Variants in CDH10 observed in about 807,000 individuals in gnomAD.
CDH10 encodes cadherin-10.
CDH10 carries 30 observed loss-of-function variants against 73.1 expected under a neutral mutation model. The observed-to-expected ratio is 0.41, with a 90% CI of 0.31 to 0.56. The LOEUF (loss-of-function observed/expected upper bound fraction) is 0.56, where lower values mean the gene tolerates loss of function less well. Ranked by LOEUF, CDH10 falls within the 20% of genes least tolerant of loss-of-function variation. The pLI is 0.27. For synonymous variants in CDH10, 345 were observed against 348.2 expected (o/e 0.99, Z 0.10); for missense variants, 815 against 973.7 (o/e 0.84, Z 2.17).
chr5:24,529,951 A>C (rs1743670949), intron 5 of CDH10, among the ~76,000 whole-genome samples: 1 of 150,780 alleles, frequency 6.6e-6, no homozygotes, highest in South Asian at 2.1e-4. Flanking sequence ...GCTTTCCTTG[A>C]CTTTTGTCCC....
At chr5:24,590,978 T>C (rs74750929) in intron 2 of CDH10, among the ~76,000 whole-genome samples, 4,424 of 152,092 alleles carry the variant, frequency 0.029, 218 homozygotes, top group African/African-American at 0.1. Context: ...TGAAAGAAAA[T>C]ATGACTGTGA....
At chr5:24,589,751 A>G (rs1035800266) in intron 2 of CDH10, among the ~76,000 whole-genome samples, 3 of 152,208 alleles carry the variant, frequency 2.0e-5, no homozygotes, top group African/African-American at 7.2e-5. Flanking sequence ...TATCTGCTCA[A>G]CGCAACTGGA....
chr5:24,559,235 A>G (rs1271974412), intron 2 of CDH10, among the ~76,000 whole-genome samples: 1 of 151,978 alleles, frequency 6.6e-6, no homozygotes, highest in Non-Finnish European at 1.5e-5. Context: ...CCTTGTGCAA[A>G]TCATTTCCAT....
At chr5:24,514,631 T>G (rs530542751) in intron 5 of CDH10, among the ~76,000 whole-genome samples, 2 of 152,258 alleles carry the variant, frequency 1.3e-5, no homozygotes, top group South Asian at 4.1e-4. Context: ...AATACAAAAA[T>G]GATATCACTG....
chr5:24,541,160 C>T (rs1208410708), intron 2 of CDH10, among the ~76,000 whole-genome samples: 1 of 151,956 alleles, frequency 6.6e-6, no homozygotes, highest in Non-Finnish European at 1.5e-5. Flanking sequence ...GATACAGGAA[C>T]TAAGTAATAA....
rs1464674739 is a variant in CDH10 at position 24,509,764 on chromosome 5, G to C, written c.1058C>G (p.Thr353Ser). The part of the protein sequence containing the change: ...LYTLKVEAEN[T>S]HVDPRFYYLG... ...GTAATAAAAACGGGGATCTACATGG[G>C]TGTTTTCTGCTTCGACTTTCAGAGT... is the stretch of plus-strand genomic sequence containing the variant. The change falls in exon 7 of 12, where the codon ACC becomes AGC. Residue 353 changes from threonine (T) to serine (S), a missense_variant. Around this residue, in one of 3 missense-constraint regions of CDH10, gnomAD observed 516 missense variants for 636.6 expected, o/e 0.81. Coordinates refer to ENST00000264463, the MANE Select transcript of CDH10 (RefSeq NM_006727.5). 2 of 1,611,390 alleles carry C rather than the reference G, an allele frequency of 1.2e-6. No individual in the cohort carries two copies. Among genetic ancestry groups the C allele is most frequent in the Non-Finnish European group, 1.7e-6 (2 of 1,177,730 alleles).
Position 24,488,151 on chromosome 5 carries a change from T to C in CDH10, c.1879A>G (p.Ile627Val). Residue 627 changes from isoleucine to valine, a missense_variant and splice_region_variant, in exon 12 of 12, where the codon ATA (isoleucine) becomes GTA (valine). Transcript: ENST00000264463. ...ILLCIIILLV[I>V]VVLFAALKRQ... ...TTCAGAGCTGCAAACAGTACTACTA[T>C]AACTTGAAAAAAGACAAGAAGATAC... 1.9e-6 allele frequency: 3 copies of C among 1,593,724 alleles called. No homozygotes were observed. Among genetic ancestry groups the C allele is most frequent in the Non-Finnish European group, 2.6e-6 (3 of 1,172,902 alleles).
At chr5:24,623,107 T>C (rs1343725098) in intron 1 of CDH10, among the ~76,000 whole-genome samples, 3 of 152,164 alleles carry the variant, frequency 2.0e-5, no homozygotes, top group Admixed American at 2.0e-4. Context: ...TTCCTTTGTG[T>C]CATGCAGGAA....
intron 2 of CDH10, among the ~76,000 whole-genome samples, chr5:24,547,570 C>T (rs1744389477): frequency 6.6e-6 from 1 of 152,118 alleles, no homozygotes; most frequent in Non-Finnish European, 1.5e-5. Context: ...TGCCAGTCTT[C>T]CCCAAAAGAC....
rs1741881855 is a variant in CDH10 at position 24,487,480 on chromosome 5, T to C, written c.*183A>G. ...TTGGAAGTGATTAAATAAAATGTCA[T>C]ATATATTCCATGAGACATCCTACAG... is the stretch of plus-strand genomic sequence containing the variant. On this transcript the variant is annotated 3_prime_UTR_variant, in exon 12 of 12. Transcript: ENST00000264463. The C allele has an allele frequency of 1.7e-6, 1 of 585,164 alleles. No individual in the cohort carries two copies. Among genetic ancestry groups the C allele is most frequent in the Non-Finnish European group, 3.0e-6 (1 of 329,280 alleles). 36.2% of individuals were successfully genotyped at this position (585,164 alleles called of 1,614,324 possible). A position where few individuals can be genotyped will look rare whatever the true frequency, so the allele number is the denominator to read the frequency against.
intron 2 of CDH10, among the ~76,000 whole-genome samples, chr5:24,576,320 ATTTAT>A (rs748247649): frequency 3.3e-5 from 5 of 152,164 alleles, no homozygotes; most frequent in African/African-American, 1.2e-4. Flanking sequence ...ACCTTTTAGC[ATTTAT>A]TTTATTATTT....
chr5:24,624,397 T>C (rs533887455), intron 1 of CDH10, among the ~76,000 whole-genome samples: 3 of 152,220 alleles, frequency 2.0e-5, no homozygotes, highest in Non-Finnish European at 4.4e-5. Context: ...TTCTACAAAT[T>C]ATGGGTAAAC....
At chr5:24,514,325 T>C in intron 5 of CDH10, among the ~76,000 whole-genome samples, 1 of 152,162 alleles carries the variant, frequency 6.6e-6, no homozygotes, top group South Asian at 2.1e-4. Flanking sequence ...ATAATTTAGA[T>C]CCTCTGTCCT....
intron 2 of CDH10, among the ~76,000 whole-genome samples, chr5:24,543,562 A>G (rs1369904780): frequency 6.6e-6 from 1 of 152,154 alleles, no homozygotes; most frequent in Non-Finnish European, 1.5e-5. Flanking sequence ...GTTGAAAAAA[A>G]TGTAGAATGT....
At chr5:24,519,347 C>CAACAA (rs75828117) in intron 5 of CDH10, among the ~76,000 whole-genome samples, 72,287 of 151,328 alleles carry the variant, frequency 0.48, 17,325 homozygotes, top group East Asian at 0.58. Flanking sequence ...ATTTCTAAAA[C>CAACAA]AACAAAATTT....
chr5:24,628,861 C>T (rs1398137686), intron 1 of CDH10, among the ~76,000 whole-genome samples: 1 of 148,792 alleles, frequency 6.7e-6, no homozygotes, highest in Non-Finnish European at 1.5e-5. Flanking sequence ...CACACACACA[C>T]ACACACACAC....
At chr5:24,496,844 C>T (rs1013707864) in intron 9 of CDH10, among the ~76,000 whole-genome samples, 2 of 152,128 alleles carry the variant, frequency 1.3e-5, no homozygotes, top group Non-Finnish European at 2.9e-5. Flanking sequence ...GAATCTCATC[C>T]CTTAATATAT....
chr5:24,488,194 A>G lies in CDH10; in HGVS notation c.1877-41T>C, dbSNP rs773208707. 970 of 1,502,860 alleles carry G rather than the reference A, an allele frequency of 6.5e-4. 1 individual carries two copies. Among genetic ancestry groups the G allele is most frequent in the Non-Finnish European group, 8.5e-4 (939 of 1,109,732 alleles). 93.1% of individuals were successfully genotyped at this position (1,502,860 alleles called of 1,614,324 possible). A position where few individuals can be genotyped will look rare whatever the true frequency, so the allele number is the denominator to read the frequency against. On this transcript the variant is annotated intron_variant, in intron 11 of 11. Transcript: ENST00000264463. ...GAAGATACATTAGACGTCCGTTCAA[A>G]ACACTATAAATAACGAGTGGAAATA...
intron 1 of CDH10, among the ~76,000 whole-genome samples, chr5:24,627,109 T>C (rs1221681271): frequency 6.6e-6 from 1 of 151,840 alleles, no homozygotes; most frequent in East Asian, 1.9e-4. Context: ...ACCATATGCT[T>C]TATTTGCCCT....
Sources: gnomAD v4.1 joint callset for allele counts (sites outside exome capture counted in the v4.1 genomes callset) on GRCh38, gnomAD v4.1.1 for gene constraint, gnomAD v4.1.1 regional missense constraint, MANE v1.5 for transcripts, NCBI Gene and HGNC (gene_info 2026-07-23, HGNC 2026-07-21) for gene names.